Variants in RAB8B observed in about 807,000 individuals in gnomAD.
RAB8B encodes the protein RAB8B, member RAS oncogene family, also known as ras-related protein Rab-8B.
In RAB8B, 11 loss-of-function variants were observed where a neutral mutation model predicts 32.0. The ratio of observed to expected loss-of-function variants is 0.34; its 90% CI spans 0.22 to 0.57. The LOEUF (loss-of-function observed/expected upper bound fraction) is 0.57, where lower values mean the gene tolerates loss of function less well. RAB8B is among the 20% of genes least tolerant of loss of function. The probability of loss-of-function intolerance (pLI) is 0.86; values close to 1 mark genes in which losing one functional copy is unlikely to be tolerated. For missense variants in RAB8B, 190 were observed against 258.5 expected (o/e 0.73, Z 1.82); for synonymous variants, 103 against 89.6 (o/e 1.15, Z -0.85).
chr15:63,259,597 T>G lies in RAB8B; in HGVS notation c.415-30T>G. 6.3e-7 allele frequency: 1 copy of G among 1,589,086 alleles called. No individual in the cohort carries two copies. Among genetic ancestry groups the G allele is most frequent in the Non-Finnish European group, 8.6e-7 (1 of 1,157,524 alleles). On this transcript the variant is annotated intron_variant, in intron 5 of 7. Coordinates refer to ENST00000321437, the MANE Select transcript of RAB8B (RefSeq NM_016530.3). The surrounding 1 kb of genome is among the most constrained non-coding windows in gnomAD (Gnocchi z 4.4). ...CATTATGTGTTCAAGTATCTTTTGC[T>G]AAATTTAAATATTTCTGTTTACTTT...
chr15:63,222,760 C>G (rs752070002), intron 1 of RAB8B, among the ~76,000 whole-genome samples: 1 of 152,152 alleles, frequency 6.6e-6, no homozygotes, highest in Non-Finnish European at 1.5e-5. Context: ...AGGCTGGTCT[C>G]GAACTCCTGA....
At chr15:63,246,116 G>T (rs1455353728) in intron 2 of RAB8B, among the ~76,000 whole-genome samples, 1 of 151,956 alleles carries the variant, frequency 6.6e-6, no homozygotes, top group African/African-American at 2.4e-5. Flanking sequence ...CAGGTAATCC[G>T]CCCGCCTCAG....
At chr15:63,197,473 A>C (rs1236034976) in intron 1 of RAB8B, among the ~76,000 whole-genome samples, 1 of 145,528 alleles carries the variant, frequency 6.9e-6, no homozygotes, top group Admixed American at 7.2e-5. Context: ...TCCTGGTCTC[A>C]AGCAGTTCTC....
At chr15:63,199,460 C>T (rs2037629876) in intron 1 of RAB8B, among the ~76,000 whole-genome samples, 1 of 152,080 alleles carries the variant, frequency 6.6e-6, no homozygotes, top group Non-Finnish European at 1.5e-5. Flanking sequence ...TGTTGCATTC[C>T]CTATTTTGTC....
intron 4 of RAB8B, among the ~76,000 whole-genome samples, chr15:63,256,146 CT>C (rs1446711426): frequency 6.6e-6 from 1 of 152,130 alleles, no homozygotes; most frequent in Non-Finnish European, 1.5e-5. Context: ...AGATGAATTT[CT>C]TTTTAAAATA....
At chr15:63,262,923 T>C (rs956461420) in intron 7 of RAB8B, 181 bp downstream of exon 7, 21 of 269,836 alleles carry the variant, frequency 7.8e-5, no homozygotes, top group Non-Finnish European at 1.2e-4. Flanking sequence ...GAGCTGCCAC[T>C]GTTTCAGTCC....
rs2038089107 is a variant in RAB8B, at chr15:63,248,461, A to G, written c.186-1184A>G. Among the ~76,000 whole-genome samples, 1 of 152,170 alleles carries G rather than the reference A, an allele frequency of 6.6e-6. No homozygotes were observed. The highest frequency in any genetic ancestry group is 6.5e-5 in the Admixed American group (1 of 15,274). Reference sequence around the variant, plus strand: ...CAGGAGGCAGAGGTTGCAGTGAGCCAGGATTGTGCCACTGGACCCCAGCCT... The same window carrying G: ...CAGGAGGCAGAGGTTGCAGTGAGCCGGGATTGTGCCACTGGACCCCAGCCT... On this transcript the variant is annotated intron_variant, in intron 2 of 7. Coordinates refer to ENST00000321437, the MANE Select transcript of RAB8B (RefSeq NM_016530.3). This position sits in a 1 kb window ranked among gnomAD's most constrained non-coding sequence, Gnocchi z 4.4.
intron 1 of RAB8B, among the ~76,000 whole-genome samples, chr15:63,221,296 G>T (rs1209015021): frequency 6.6e-6 from 1 of 152,174 alleles, no homozygotes; most frequent in East Asian, 1.9e-4. Context: ...AACTAAAAAG[G>T]TATCCAGTAT....
intron 1 of RAB8B, among the ~76,000 whole-genome samples, chr15:63,216,861 A>AT (rs1209563416): frequency 4.2e-5 from 6 of 144,566 alleles, no homozygotes; most frequent in East Asian, 2.0e-4. Flanking sequence ...CTCTGTCTCA[A>AT]AAAAAAAAAA....
chr15:63,236,626 T>C (rs12913135), intron 1 of RAB8B, among the ~76,000 whole-genome samples: 142,953 of 152,118 alleles, frequency 0.94, 67,388 homozygotes, highest in East Asian at 1. Context: ...AAAAAAATTG[T>C]GGGTACATAG....
chr15:63,223,131 A>G (rs2037858701), intron 1 of RAB8B: 4 of 438,860 alleles, frequency 9.1e-6, no homozygotes, highest in Non-Finnish European at 1.8e-5. Context: ...TTATTTTTTG[A>G]GACGGAATCT....
intron 5 of RAB8B, among the ~76,000 whole-genome samples, chr15:63,257,676 T>C (rs2038168876): frequency 6.6e-6 from 1 of 152,220 alleles, no homozygotes; most frequent in African/African-American, 2.4e-5. Flanking sequence ...TTGAGGAATA[T>C]ATAAGAGTTC....
At chr15:63,250,440 C>T (rs890209996) in intron 3 of RAB8B, among the ~76,000 whole-genome samples, 1 of 152,184 alleles carries the variant, frequency 6.6e-6, no homozygotes, top group Non-Finnish European at 1.5e-5. Context: ...CTGTCATCCC[C>T]CTGACCACCA....
intron 3 of RAB8B, among the ~76,000 whole-genome samples, 195 bp downstream of exon 3, chr15:63,249,900 GC>G (rs2038100980): frequency 6.6e-6 from 1 of 152,170 alleles, no homozygotes; most frequent in South Asian, 2.1e-4. Flanking sequence ...ACTTTGGGAG[GC>G]CGAGGCGGGT....
chr15:63,249,910 G>A (rs1419113825), intron 3 of RAB8B, among the ~76,000 whole-genome samples: 1 of 152,136 alleles, frequency 6.6e-6, no homozygotes, highest in Admixed American at 6.5e-5. Flanking sequence ...GCCGAGGCGG[G>A]TGGATCATGA....
intron 1 of RAB8B, among the ~76,000 whole-genome samples, chr15:63,215,315 A>G (rs2037783714): frequency 6.6e-6 from 1 of 152,216 alleles, no homozygotes; most frequent in South Asian, 2.1e-4. Context: ...CTTCTGATTA[A>G]AGTGTTCCAA....
intron 1 of RAB8B, among the ~76,000 whole-genome samples, chr15:63,202,569 T>A (rs759226394): frequency 1.3e-5 from 2 of 152,200 alleles, no homozygotes; most frequent in Non-Finnish European, 2.9e-5. Flanking sequence ...GGAAACTAAT[T>A]GTATCAGAAA....
At chr15:63,245,956 T>A (rs1049730476) in intron 2 of RAB8B, among the ~76,000 whole-genome samples, 1 of 152,192 alleles carries the variant, frequency 6.6e-6, no homozygotes, top group Non-Finnish European at 1.5e-5. Context: ...CACTGCAACC[T>A]CCACCTCCCG....
At position 63,259,677 on chromosome 15, in the gene RAB8B, T is replaced by C; in HGVS notation, c.465T>C (p.Ser155=). The change falls in exon 6 of 8, where the codon AGT becomes AGC. Residue 155 remains serine (S), a synonymous_variant. Coordinates refer to ENST00000321437, the MANE Select transcript of RAB8B (RefSeq NM_016530.3). The surrounding 1 kb of genome is among the most constrained non-coding windows in gnomAD (Gnocchi z 4.4). ...IKFLETSAKS[S]ANVEEAFFTL... ...TCTTGGAGACAAGCGCAAAATCCAG[T>C]GCAAATGTAGAAGAGGTAAGAAGGA... The C allele has an allele frequency of 4.3e-6, 7 of 1,613,978 alleles. No homozygotes were observed. Among genetic ancestry groups the C allele is most frequent in the Non-Finnish European group, 5.1e-6 (6 of 1,179,836 alleles).
Sources: allele counts gnomAD v4.1 joint callset (sites outside exome capture counted in the v4.1 genomes callset), GRCh38; gene constraint gnomAD v4.1.1; non-coding constraint Gnocchi (gnomAD v3.1); transcripts MANE v1.5; gene names NCBI Gene and HGNC (gene_info 2026-07-23, HGNC 2026-07-21).